The following DCAKD variants were observed in gnomAD, a reference collection of about 807,000 sequenced individuals.
DCAKD encodes dephospho-CoA kinase domain-containing protein.
Under a neutral mutation model 18.7 loss-of-function variants are expected in DCAKD, and 15 were observed. The observed-to-expected ratio is 0.80, with a 90% CI of 0.54 to 1.24. DCAKD has a LOEUF of 1.24. Ranked by LOEUF, DCAKD falls within the 50% of genes most tolerant of loss-of-function variation. DCAKD has a pLI of 0.00. For missense variants in DCAKD, 301 were observed against 322.0 expected (o/e 0.93, Z 0.50); for synonymous variants, 130 against 133.0 (o/e 0.98, Z 0.16).
At chr17:45,052,055 G>A (rs1465946646), upstream of DCAKD, among the ~76,000 whole-genome samples, 2 of 116,338 alleles carry the variant, frequency 1.7e-5, no homozygotes, top group Non-Finnish European at 3.7e-5. Flanking sequence ...GGGCGGGCGG[G>A]CGGACGCGGG....
At chr17:45,056,036 T>C (rs929364550), upstream of DCAKD, among the ~76,000 whole-genome samples, 5 of 151,628 alleles carry the variant, frequency 3.3e-5, no homozygotes, top group African/African-American at 1.2e-4. Context: ...GCACCTGTAA[T>C]CCCAGCTACT....
At chr17:45,032,071 T>C in intron 3 of DCAKD, 2 of 985,376 alleles carry the variant, frequency 2.0e-6, no homozygotes, top group Non-Finnish European at 2.4e-6. Context: ...ATGTTTAATT[T>C]CAGAAGGGGA....
At chr17:45,055,822 TCA>T (rs1317418912), upstream of DCAKD, among the ~76,000 whole-genome samples, 1 of 152,060 alleles carries the variant, frequency 6.6e-6, no homozygotes, top group Non-Finnish European at 1.5e-5. Context: ...AATAAATGAA[TCA>T]CAATCTATCT....
intron 1 of DCAKD, among the ~76,000 whole-genome samples, chr17:45,038,413 G>A (rs1280434409): frequency 6.6e-6 from 1 of 152,086 alleles, no homozygotes; most frequent in Non-Finnish European, 1.5e-5. Flanking sequence ...GAGAAGGGAG[G>A]GGACTTCCCA....
chr17:45,044,689 CA>C (rs2053523660), intron 1 of DCAKD, among the ~76,000 whole-genome samples: 1 of 147,316 alleles, frequency 6.8e-6, no homozygotes, highest in African/African-American at 2.5e-5. Flanking sequence ...GAGACTCCAT[CA>C]ATAAATAAAT....
chr17:45,058,677 T>C (rs921370645), intron 1 of DCAKD, among the ~76,000 whole-genome samples: 16 of 149,080 alleles, frequency 1.1e-4, no homozygotes, highest in Admixed American at 7.3e-4. Flanking sequence ...CCACCTCGGC[T>C]TCCCAAAGTG....
At chr17:45,041,267 C>T (rs1345418509) in intron 1 of DCAKD, among the ~76,000 whole-genome samples, 1 of 152,032 alleles carries the variant, frequency 6.6e-6, no homozygotes, top group East Asian at 1.9e-4. Context: ...GTCCACGATG[C>T]CTGGTGCCTG....
chr17:45,053,712 G>C (rs1022516290), upstream of DCAKD, among the ~76,000 whole-genome samples: 9 of 152,264 alleles, frequency 5.9e-5, no homozygotes, highest in African/African-American at 2.2e-4. Context: ...CAGCCACCAT[G>C]CCCAGCACAT....
intron 3 of DCAKD, among the ~76,000 whole-genome samples, chr17:45,033,231 G>A (rs1373231578): frequency 6.6e-6 from 1 of 152,124 alleles, no homozygotes; most frequent in African/African-American, 2.4e-5. Flanking sequence ...CTTGAACCAT[G>A]GCATATAGCT....
intron 4 of DCAKD, among the ~76,000 whole-genome samples, chr17:45,026,218 C>CTTTT (rs1180056946): frequency 6.4e-5 from 7 of 109,166 alleles, no homozygotes; most frequent in Non-Finnish European, 7.5e-5. Context: ...CGCGCCTGGA[C>CTTTT]TTTTTTTTTT....
At chr17:45,056,684 A>G (rs970149904) in intron 1 of DCAKD, among the ~76,000 whole-genome samples, 3 of 152,172 alleles carry the variant, frequency 2.0e-5, no homozygotes, top group African/African-American at 7.2e-5. Flanking sequence ...CACGTTGGCC[A>G]GGCTGGTCTC....
upstream of DCAKD, among the ~76,000 whole-genome samples, chr17:45,052,377 C>G (rs554548376): frequency 5.4e-5 from 8 of 148,838 alleles, no homozygotes; most frequent in Non-Finnish European, 9.1e-5. Context: ...CCGCACAGTC[C>G]GCAGGGTGGA....
intron 3 of DCAKD, 53 bp downstream of exon 3, chr17:45,034,134 G>A (rs2053231983): frequency 6.2e-7 from 1 of 1,611,252 alleles, no homozygotes; most frequent in Admixed American, 1.7e-5. Flanking sequence ...AGAGGAGAAG[G>A]GCCCTGGCCC....
At chr17:45,040,006 T>C (rs953285880) in intron 1 of DCAKD, among the ~76,000 whole-genome samples, 4 of 151,884 alleles carry the variant, frequency 2.6e-5, no homozygotes, top group South Asian at 2.1e-4. Flanking sequence ...GGCAGGAGAA[T>C]TGCTTGAATC....
chr17:45,031,619 C>T, intron 3 of DCAKD: 2 of 985,426 alleles, frequency 2.0e-6, no homozygotes, highest in East Asian at 1.1e-4. Context: ...AGACTAGATC[C>T]TCTCCGGGCC....
chr17:45,050,488 C>G (rs2053668809), intron 1 of DCAKD, among the ~76,000 whole-genome samples: 1 of 152,080 alleles, frequency 6.6e-6, no homozygotes, highest in Non-Finnish European at 1.5e-5. Context: ...AGATTCAGAC[C>G]TTGGTGAAGA....
At chr17:45,058,210 G>A (rs899791881) in intron 1 of DCAKD, among the ~76,000 whole-genome samples, 29 of 151,934 alleles carry the variant, frequency 1.9e-4, no homozygotes, top group Non-Finnish European at 2.9e-5. Flanking sequence ...AGCTACCGGG[G>A]AGGCTGAGGT....
At chr17:45,054,808 G>T (rs1358388636), upstream of DCAKD, among the ~76,000 whole-genome samples, 3 of 152,174 alleles carry the variant, frequency 2.0e-5, no homozygotes, top group Admixed American at 2.0e-4. Flanking sequence ...GCCAAGACAG[G>T]GATAGGAACA....
intron 1 of DCAKD, among the ~76,000 whole-genome samples, chr17:45,056,837 C>T (rs1324783888): frequency 1.3e-5 from 2 of 150,402 alleles, no homozygotes; most frequent in African/African-American, 2.5e-5. Context: ...GCGTGATCTC[C>T]GCTCACTGCA....
Sources: allele counts gnomAD v4.1 joint callset (sites outside exome capture counted in the v4.1 genomes callset), GRCh38; gene constraint gnomAD v4.1.1; transcripts MANE v1.5; gene names NCBI Gene and HGNC (gene_info 2026-07-23, HGNC 2026-07-21).